The following ETV7 variants were observed in gnomAD, a reference collection of about 807,000 sequenced individuals.
The protein encoded by ETV7 is ETS variant transcription factor 7.
ETV7 carries 43 observed loss-of-function variants against 39.1 expected under a neutral mutation model. That is an observed-to-expected ratio of 1.10 (90% CI 0.86 to 1.42). ETV7 has a LOEUF of 1.42. Among genes scored for constraint, ETV7 ranks in the 40% most tolerant of loss-of-function variants. The pLI is 0.00. For synonymous variants in ETV7, 196 were observed against 176.6 expected, an observed-to-expected ratio of 1.11 and a Z score of -0.87; for missense variants, 432 against 442.3, an observed-to-expected ratio of 0.98 and a Z score of 0.21.
intron 2 of ETV7, among the ~76,000 whole-genome samples, chr6:36,377,467 A>G (rs1307923813): frequency 6.6e-6 from 1 of 152,204 alleles, no homozygotes; most frequent in Non-Finnish European, 1.5e-5. Context: ...TATCAAAAAA[A>G]TACATAAATT....
chr6:36,380,848 G>C (rs1416123057), intron 2 of ETV7, among the ~76,000 whole-genome samples: 2 of 152,030 alleles, frequency 1.3e-5, no homozygotes, highest in African/African-American at 2.4e-5. Flanking sequence ...GGGCCTCCTT[G>C]CCTGCCCCTT....
intron 1 of ETV7, among the ~76,000 whole-genome samples, chr6:36,386,528 TC>T (rs1199520125): frequency 6.6e-6 from 1 of 152,154 alleles, no homozygotes; most frequent in Non-Finnish European, 1.5e-5. Context: ...TCCTTCGGGC[TC>T]ATGCCCAGCC....
intron 2 of ETV7, among the ~76,000 whole-genome samples, chr6:36,382,297 A>G (rs1773695218): frequency 6.6e-6 from 1 of 152,178 alleles, no homozygotes; most frequent in African/African-American, 2.4e-5. Context: ...TTCTATTTCA[A>G]TTTTTAAAAA....
chr6:36,366,885 G>T lies in ETV7; in HGVS notation c.898C>A (p.Leu300Ile), dbSNP rs757528138. The T allele has an allele frequency of 2.6e-5, 42 of 1,613,934 alleles. No homozygotes were observed. In the Admixed American group the frequency reaches 7.0e-4, roughly 27 times the overall value. ...NIIKKEPGQK[L>I]LFRFLKTPGK... Reference sequence around the variant, plus strand: ...CCCTAGGCCACTCACCTGAACAGGAGTTTCTGCCCCGGTTCCTTCTTAATG... The same window carrying T: ...CCCTAGGCCACTCACCTGAACAGGATTTTCTGCCCCGGTTCCTTCTTAATG... Residue 300 changes from leucine to isoleucine, a missense_variant, in exon 7 of 8, where the codon CTC (leucine) becomes ATC (isoleucine). Coordinates refer to ENST00000340181, the MANE Select transcript of ETV7 (RefSeq NM_016135.4).
At chr6:36,373,796 A>G (rs114487539) in intron 3 of ETV7, among the ~76,000 whole-genome samples, 2,324 of 152,308 alleles carry the variant, frequency 0.015, 37 homozygotes, top group African/African-American at 0.042. Context: ...TTAGAAAGAC[A>G]TCCTTTCCTG....
chr6:36,371,685 C>G, intron 4 of ETV7, 125 bp from the exon 5 acceptor site: 1 of 890,656 alleles, frequency 1.1e-6, no homozygotes, highest in Non-Finnish European at 1.8e-6. Context: ...CCAACCAGCC[C>G]CTGGTTAGAA....
intron 7 of ETV7, among the ~76,000 whole-genome samples, chr6:36,357,571 C>T (rs988860575): frequency 6.6e-6 from 1 of 152,092 alleles, no homozygotes; most frequent in Non-Finnish European, 1.5e-5. Context: ...AAATGATGGG[C>T]GCCTCCCATA....
At chr6:36,358,537 G>GC (rs907628788) in intron 7 of ETV7, among the ~76,000 whole-genome samples, 1 of 152,222 alleles carries the variant, frequency 6.6e-6, no homozygotes, top group Non-Finnish European at 1.5e-5. Flanking sequence ...CTGGCTGAAA[G>GC]CCCAGAATCC....
At chr6:36,355,389 C>A (rs1271130693) in intron 7 of ETV7, among the ~76,000 whole-genome samples, 1 of 151,068 alleles carries the variant, frequency 6.6e-6, no homozygotes, top group Non-Finnish European at 1.5e-5. Flanking sequence ...CACTGATGTT[C>A]ATAGACTTTT....
At chr6:36,387,450 A>T (rs1398043300) in intron 1 of ETV7, 86 bp downstream of exon 1, 1 of 1,563,934 alleles carries the variant, frequency 6.4e-7, no homozygotes, top group African/African-American at 1.4e-5. Flanking sequence ...CTGATAAAAT[A>T]GGTTTGGAAA....
chr6:36,379,858 T>C (rs1202946548), intron 2 of ETV7, among the ~76,000 whole-genome samples: 2 of 147,538 alleles, frequency 1.4e-5, no homozygotes, highest in Admixed American at 1.4e-4. Context: ...CCTGGGTGAC[T>C]GAGCAAGACG....
At position 36,375,919 on chromosome 6, in the gene ETV7, G is replaced by C; in HGVS notation, c.259C>G (p.Leu87Val). ...EHGFEMNGRALCILTKDDFRH... is the reference protein window; with the variant it reads ...EHGFEMNGRAVCILTKDDFRH... ...AAGTCGTCCTTGGTGAGGATGCAGAGGGCGCGTCCGTTCATCTCGAACCCG... is the reference window on the plus strand; with the variant it reads ...AAGTCGTCCTTGGTGAGGATGCAGACGGCGCGTCCGTTCATCTCGAACCCG... Residue 87 changes from leucine to valine, a missense_variant, in exon 3 of 8, where the codon CTC becomes GTC. Leu to Val is a conservative substitution (Grantham distance 32). Coordinates refer to ENST00000340181, the MANE Select transcript of ETV7 (RefSeq NM_016135.4). The C allele has an allele frequency of 6.2e-7, 1 of 1,614,032 alleles. No individual in the cohort carries two copies. Among genetic ancestry groups the C allele is most frequent in the Non-Finnish European group, 8.5e-7 (1 of 1,180,040 alleles).
In ETV7 at chr6:36,366,287, G is replaced by A. The variant is rs763993608; in HGVS notation, c.*358C>T. 2 of 1,088,324 alleles carry A rather than the reference G, an allele frequency of 1.8e-6. No homozygotes were observed. Among genetic ancestry groups the A allele is most frequent in the Middle Eastern group, 4.2e-4 (1 of 2,396 alleles). 67.4% of individuals were successfully genotyped at this position (1,088,324 alleles called of 1,614,324 possible). A position where few individuals can be genotyped will look rare whatever the true frequency, so the allele number is the denominator to read the frequency against. ...ATTTCCTGCCTCAGCCCATTTCACA[G>A]GTGAGGAAATCTGAGGCTCAGTGAG... On this transcript the variant is annotated 3_prime_UTR_variant, in exon 8 of 8. Transcript: ENST00000340181.
intron 5 of ETV7, among the ~76,000 whole-genome samples, chr6:36,369,741 G>A (rs1260865293): frequency 6.6e-6 from 1 of 152,166 alleles, no homozygotes; most frequent in Non-Finnish European, 1.5e-5. Context: ...ACAGTGCCTG[G>A]TATACTGTAA....
intron 2 of ETV7, among the ~76,000 whole-genome samples, chr6:36,383,628 A>C (rs2127402935): frequency 6.6e-6 from 1 of 152,272 alleles, no homozygotes; most frequent in East Asian, 1.9e-4. Context: ...AAATTTAGGA[A>C]ACTGGGCTGA....
intron 2 of ETV7, among the ~76,000 whole-genome samples, chr6:36,378,871 TG>T: frequency 6.6e-6 from 1 of 152,230 alleles, no homozygotes; most frequent in South Asian, 2.1e-4. Flanking sequence ...TGAGATCCCC[TG>T]TGGCACAGCA....
intron 7 of ETV7, among the ~76,000 whole-genome samples, chr6:36,360,067 A>AT (rs1256193141): frequency 6.6e-6 from 1 of 151,862 alleles, no homozygotes. Flanking sequence ...TAATTTTTTT[A>AT]TTTTTAGTAG....
chr6:36,385,181 A>T (rs994795490), intron 2 of ETV7, among the ~76,000 whole-genome samples: 5 of 151,834 alleles, frequency 3.3e-5, no homozygotes, highest in Non-Finnish European at 7.4e-5. Context: ...TTAAAAAAAA[A>T]TTTAATTTTA....
At chr6:36,369,917 A>C (rs1561905193) in intron 5 of ETV7, among the ~76,000 whole-genome samples, 1 of 151,764 alleles carries the variant, frequency 6.6e-6, no homozygotes, top group Non-Finnish European at 1.5e-5. Flanking sequence ...AAAAAAAAAA[A>C]AACCCAGTAA....
Sources: allele counts gnomAD v4.1 joint callset (sites outside exome capture counted in the v4.1 genomes callset), GRCh38; gene constraint gnomAD v4.1.1; transcripts MANE v1.5; gene names NCBI Gene and HGNC (gene_info 2026-07-23, HGNC 2026-07-21).